KCND2: variants seen among roughly 807,000 people sequenced by gnomAD.
KCND2 encodes A-type voltage-gated potassium channel KCND2.
Under a neutral mutation model 54.4 loss-of-function variants are expected in KCND2, and 16 were observed. The ratio of observed to expected loss-of-function variants is 0.29; its 90% CI spans 0.20 to 0.45. The LOEUF (loss-of-function observed/expected upper bound fraction) is 0.45, where lower values mean the gene tolerates loss of function less well. Ranked by LOEUF, KCND2 falls within the 20% of genes least tolerant of loss-of-function variation. KCND2 has a pLI of 1.00. For missense variants in KCND2, 486 were observed against 824.2 expected (o/e 0.59, Z 5.02); for synonymous variants, 317 against 310.7 (o/e 1.02, Z -0.21).
intron 1 of KCND2, among the ~76,000 whole-genome samples, chr7:120,333,782 T>C (rs1800104077): frequency 6.6e-6 from 1 of 152,118 alleles, no homozygotes; most frequent in South Asian, 2.1e-4. Context: ...AGTTATCTAT[T>C]AGCATTCATC....
chr7:120,364,428 T>C lies in KCND2; in HGVS notation c.1115+88681T>C, dbSNP rs145342626. Among the ~76,000 whole-genome samples the C allele has an allele frequency of 2.6e-5, 4 of 152,276 alleles. No individual in the cohort carries two copies. In the East Asian group the frequency reaches 7.7e-4, roughly 29 times the overall value. On this transcript the variant is annotated intron_variant, in intron 1 of 5. Transcript: ENST00000331113. ...ACCATTCACAGACTAGGAGGCATAA[T>C]TTATGGACATAATAAGCTGGGACAA...
chr7:120,568,274 T>C (rs1792322864), intron 1 of KCND2, among the ~76,000 whole-genome samples: 1 of 152,110 alleles, frequency 6.6e-6, no homozygotes, highest in Admixed American at 6.6e-5. Flanking sequence ...ATAAGTATTT[T>C]GTGATTAGTT....
chr7:120,725,212 T>C (rs1792718543), intron 1 of KCND2, among the ~76,000 whole-genome samples: 1 of 152,188 alleles, frequency 6.6e-6, no homozygotes, highest in African/African-American at 2.4e-5. Context: ...TAAAATCATC[T>C]TAGTTCTTTC....
intron 1 of KCND2, among the ~76,000 whole-genome samples, chr7:120,290,732 A>AAT (rs147378846): frequency 3.3e-5 from 5 of 151,914 alleles, no homozygotes; most frequent in South Asian, 4.2e-4. Context: ...CATATATGGA[A>AAT]ATATATATAT....
At chr7:120,703,281 T>A (rs1353425657) in intron 1 of KCND2, among the ~76,000 whole-genome samples, 2 of 152,184 alleles carry the variant, frequency 1.3e-5, no homozygotes, top group African/African-American at 4.8e-5. Context: ...TCATCAGCAA[T>A]TTCCTTTGGG....
intron 1 of KCND2, among the ~76,000 whole-genome samples, chr7:120,403,433 C>T (rs751899065): frequency 1.3e-5 from 2 of 151,610 alleles, no homozygotes; most frequent in Non-Finnish European, 2.9e-5. Flanking sequence ...TCTCCTGCCT[C>T]AGCCTCCTGG....
intron 1 of KCND2, among the ~76,000 whole-genome samples, chr7:120,510,460 C>T (rs1265915534): frequency 2.0e-5 from 3 of 152,010 alleles, no homozygotes; most frequent in African/African-American, 4.8e-5. Context: ...TGGAGGAAAA[C>T]GCTATTTAAT....
chr7:120,678,445 G>GTGTA (rs1163279938), intron 1 of KCND2, among the ~76,000 whole-genome samples: 2 of 142,698 alleles, frequency 1.4e-5, no homozygotes, highest in Non-Finnish European at 3.0e-5. Flanking sequence ...ACATTCATAT[G>GTGTA]TGTATGTATG....
chr7:120,465,366 A>T (rs1007028568), intron 1 of KCND2, among the ~76,000 whole-genome samples: 3 of 152,088 alleles, frequency 2.0e-5, no homozygotes, highest in Admixed American at 6.6e-5. Context: ...AAGCACCGAG[A>T]AAAAAGGCAT....
chr7:120,641,952 C>T (rs945076884), intron 1 of KCND2, among the ~76,000 whole-genome samples: 3 of 151,890 alleles, frequency 2.0e-5, no homozygotes, highest in Admixed American at 2.0e-4. Context: ...AAGATTAGAG[C>T]TCTAAGAACT....
intron 2 of KCND2, among the ~76,000 whole-genome samples, chr7:120,736,109 G>T (rs1235775741): frequency 2.6e-5 from 4 of 152,000 alleles, no homozygotes; most frequent in Non-Finnish European, 4.4e-5. Flanking sequence ...TTACAAAATG[G>T]TTTGTTAGAC....
At chr7:120,420,281 C>T (rs566735069) in intron 1 of KCND2, among the ~76,000 whole-genome samples, 1 of 152,192 alleles carries the variant, frequency 6.6e-6, no homozygotes, top group East Asian at 1.9e-4. Context: ...TACATCTACT[C>T]AGAGATTAAA....
At chr7:120,536,896 CT>C (rs1207293277) in intron 1 of KCND2, among the ~76,000 whole-genome samples, 1 of 152,054 alleles carries the variant, frequency 6.6e-6, no homozygotes, top group Non-Finnish European at 1.5e-5. Context: ...ACAATATTTT[CT>C]TTTTAATTTT....
intron 1 of KCND2, among the ~76,000 whole-genome samples, chr7:120,330,581 C>CAAAA (rs3067024): frequency 0.012 from 566 of 48,358 alleles, 104 homozygotes; most frequent in African/African-American, 0.042. Context: ...AACTCTGTCT[C>CAAAA]AAAAAAAAAA....
chr7:120,518,370 T>G (rs1437198540), intron 1 of KCND2, among the ~76,000 whole-genome samples: 1 of 152,150 alleles, frequency 6.6e-6, no homozygotes, highest in Non-Finnish European at 1.5e-5. Context: ...ATTCACAACT[T>G]AAACATAAAG....
At chr7:120,403,351 C>T (rs191731948) in intron 1 of KCND2, among the ~76,000 whole-genome samples, 17 of 151,424 alleles carry the variant, frequency 1.1e-4, no homozygotes, top group African/African-American at 2.9e-4. Flanking sequence ...GAGTCTCCCT[C>T]GGTCACCCAG....
intron 1 of KCND2, among the ~76,000 whole-genome samples, chr7:120,482,214 T>G (rs536332501): frequency 8.7e-4 from 133 of 152,308 alleles, no homozygotes; most frequent in Middle Eastern, 3.4e-3. Context: ...AGCTCTTTCT[T>G]TTTGCCCTTA....
Position 120,391,576 on chromosome 7 carries a change from C to G in KCND2, c.1115+115829C>G, listed in dbSNP as rs1801078097. 2.0e-5 allele frequency among the ~76,000 whole-genome samples: 3 copies of G among 152,080 alleles called. No individual in the cohort carries two copies. The South Asian group carries it at 6.2e-4, about 32-fold the overall frequency. On this transcript the variant is annotated intron_variant, in intron 1 of 5. Transcript: ENST00000331113. The stretch of plus-strand genomic sequence containing the variant: ...TATTTCTCCGCAACCTCGTCAGCAT[C>G]TGTTGTTTCCAGACTTTTGAATGAT...
At chr7:120,729,220 T>C (rs1792775232) in intron 1 of KCND2, among the ~76,000 whole-genome samples, 2 of 152,190 alleles carry the variant, frequency 1.3e-5, no homozygotes, top group South Asian at 4.1e-4. Context: ...AATTACCCAT[T>C]TCCATTTCTC....
Sources: allele counts gnomAD v4.1 joint callset (sites outside exome capture counted in the v4.1 genomes callset), GRCh38; gene constraint gnomAD v4.1.1; transcripts MANE v1.5; gene names NCBI Gene and HGNC (gene_info 2026-07-23, HGNC 2026-07-21).